FBXW11: variants seen among roughly 807,000 people sequenced by gnomAD.
FBXW11 encodes F-box and WD repeat domain containing 11.
FBXW11 carries 19 observed loss-of-function variants against 77.6 expected under a neutral mutation model. The observed-to-expected ratio is 0.24, with a 90% CI of 0.17 to 0.36. FBXW11 has a LOEUF of 0.36. Among genes scored for constraint, FBXW11 ranks in the 10% least tolerant of loss-of-function variants. FBXW11 has a pLI of 1.00. For missense variants in FBXW11, 334 were observed against 704.2 expected, an observed-to-expected ratio of 0.47 and a Z score of 5.95; for synonymous variants, 235 against 249.4, an observed-to-expected ratio of 0.94 and a Z score of 0.54.
intron 2 of FBXW11, among the ~76,000 whole-genome samples, chr5:171,944,303 G>A (rs752022506): frequency 1.1e-4 from 16 of 151,670 alleles, no homozygotes; most frequent in African/African-American, 1.7e-4. Context: ...AAGGCCGGGC[G>A]CTGTGGCTCA....
At chr5:171,984,438 A>AC (rs1438597611) in intron 1 of FBXW11, among the ~76,000 whole-genome samples, 1 of 152,200 alleles carries the variant, frequency 6.6e-6, no homozygotes, top group Non-Finnish European at 1.5e-5. Context: ...CTTCTAGTCT[A>AC]CCCATTTACA....
At chr5:171,989,929 G>A (rs1765643365) in intron 1 of FBXW11, among the ~76,000 whole-genome samples, 1 of 152,198 alleles carries the variant, frequency 6.6e-6, no homozygotes, top group Non-Finnish European at 1.5e-5. Flanking sequence ...TATACACGGA[G>A]ATATGGTTGT....
chr5:171,970,398 TC>T (rs1170744288), intron 1 of FBXW11, among the ~76,000 whole-genome samples: 3 of 152,218 alleles, frequency 2.0e-5, no homozygotes, highest in Non-Finnish European at 2.9e-5. Flanking sequence ...TCCTGAGGCC[TC>T]CCAGCCATGC....
At position 171,876,267 on chromosome 5, in the gene FBXW11, G is replaced by T; in HGVS notation, c.1221+18C>A. 2 of 1,613,734 alleles carry T rather than the reference G, an allele frequency of 1.2e-6. No homozygotes were observed. The highest frequency in any genetic ancestry group is 2.2e-5 in the South Asian group (2 of 90,942). Reference sequence around the variant, plus strand: ...AAGGGACAGGAACAGGTAGGGTTATGACTGCAGACATACTTACTTTGATGG... The same window carrying T: ...AAGGGACAGGAACAGGTAGGGTTATTACTGCAGACATACTTACTTTGATGG... On this transcript the variant is annotated intron_variant, in intron 9 of 13. Transcript: ENST00000517395. This position sits in a 1 kb window ranked among gnomAD's most constrained non-coding sequence, Gnocchi z 4.2.
chr5:171,943,098 T>C (rs901005138), intron 2 of FBXW11, among the ~76,000 whole-genome samples: 3 of 152,220 alleles, frequency 2.0e-5, no homozygotes, highest in African/African-American at 4.8e-5. Context: ...CATCCTGTAA[T>C]GTAAAGATTT....
intron 6 of FBXW11, among the ~76,000 whole-genome samples, chr5:171,891,868 A>G (rs1256798217): frequency 6.6e-6 from 1 of 152,194 alleles, no homozygotes; most frequent in Non-Finnish European, 1.5e-5. Context: ...TGGCCTAGAC[A>G]GAATTCAGTA....
At chr5:171,989,631 G>A (rs968049705) in intron 1 of FBXW11, among the ~76,000 whole-genome samples, 1 of 152,212 alleles carries the variant, frequency 6.6e-6, no homozygotes, top group Non-Finnish European at 1.5e-5. Flanking sequence ...CTTCAAACAA[G>A]TTAATGCAGG....
chr5:171,942,030 ATTTAT>A lies in FBXW11; in HGVS notation c.147+15562_147+15566del, dbSNP rs575516579. On this transcript the variant is annotated intron_variant, in intron 2 of 13. Transcript: ENST00000517395. ...ACAAGCCATTGAAATATTGCTTTTT[ATTTAT>A]TTTGAGATAGTCTCAAGCTTATAGA... Among the ~76,000 whole-genome samples, 56 of 151,654 alleles carry A rather than the reference ATTTAT, an allele frequency of 3.7e-4. 1 individual carries two copies. Among genetic ancestry groups the A allele is most frequent in the Admixed American group, 3.4e-3 (52 of 15,246 alleles).
chr5:171,870,088 C>T (rs994283142), intron 11 of FBXW11, among the ~76,000 whole-genome samples: 28 of 152,114 alleles, frequency 1.8e-4, no homozygotes, highest in African/African-American at 6.8e-4. Context: ...ACTTGATAAC[C>T]TATGTCACCA....
At chr5:171,888,456 T>C (rs193288835) in intron 7 of FBXW11, among the ~76,000 whole-genome samples, 2 of 152,264 alleles carry the variant, frequency 1.3e-5, no homozygotes, top group African/African-American at 4.8e-5. Context: ...AAGTGGCATA[T>C]TGCAAAGGCT....
intron 1 of FBXW11, among the ~76,000 whole-genome samples, chr5:171,984,217 T>C (rs576442567): frequency 2.6e-4 from 40 of 152,332 alleles, no homozygotes; most frequent in Non-Finnish European, 5.0e-4. Context: ...CTGGAAAAGG[T>C]CTATAATTTG....
At chr5:171,930,750 A>AC (rs1762136118) in intron 2 of FBXW11, among the ~76,000 whole-genome samples, 1 of 49,496 alleles carries the variant, frequency 2.0e-5, no homozygotes. Context: ...TAAAAAATAA[A>AC]AAATAAAAAA....
At chr5:171,886,531 C>T (rs1168521837) in intron 7 of FBXW11, among the ~76,000 whole-genome samples, 2 of 151,500 alleles carry the variant, frequency 1.3e-5, no homozygotes, top group African/African-American at 4.9e-5. Context: ...ATGTAACAAA[C>T]CTGCACGTTG....
intron 1 of FBXW11, among the ~76,000 whole-genome samples, chr5:172,003,752 A>G (rs1192250773): frequency 6.6e-6 from 1 of 152,234 alleles, no homozygotes; most frequent in East Asian, 1.9e-4. Flanking sequence ...TGCTATCACC[A>G]GCTTTATTTC....
chr5:171,989,532 G>A (rs996544862), intron 1 of FBXW11, among the ~76,000 whole-genome samples: 2 of 152,252 alleles, frequency 1.3e-5, no homozygotes, highest in African/African-American at 2.4e-5. Context: ...ACAGGAAGTA[G>A]AGGAGCTAGA....
chr5:171,970,776 T>C (rs1022212022), intron 1 of FBXW11, among the ~76,000 whole-genome samples: 4 of 152,226 alleles, frequency 2.6e-5, no homozygotes, highest in African/African-American at 9.6e-5. Context: ...CATCCCTTAA[T>C]TTTACAGTAA....
At chr5:171,952,447 A>ATATATTTTT (rs1200841290) in intron 2 of FBXW11, among the ~76,000 whole-genome samples, 1 of 6,946 alleles carries the variant, frequency 1.4e-4, no homozygotes, top group Non-Finnish European at 3.2e-4. Context: ...ATATATATAT[A>ATATATTTTT]TTTTTTTTTT....
At chr5:171,931,319 A>C (rs1314699133) in intron 2 of FBXW11, among the ~76,000 whole-genome samples, 1 of 152,256 alleles carries the variant, frequency 6.6e-6, no homozygotes, top group Non-Finnish European at 1.5e-5. Flanking sequence ...CGAAAGTGAA[A>C]GTGTGGTACT....
At chr5:171,890,734 C>T (rs1160103555) in intron 7 of FBXW11, among the ~76,000 whole-genome samples, 1 of 152,120 alleles carries the variant, frequency 6.6e-6, no homozygotes, top group Admixed American at 6.5e-5. Flanking sequence ...CATCCTTCAA[C>T]AGGTGAATGG....
Sources: gnomAD v4.1 joint callset for allele counts (sites outside exome capture counted in the v4.1 genomes callset) on GRCh38, gnomAD v4.1.1 for gene constraint, Gnocchi (gnomAD v3.1) non-coding constraint, MANE v1.5 for transcripts, NCBI Gene and HGNC (gene_info 2026-07-23, HGNC 2026-07-21) for gene names.